The following PCGF6 variants were observed in gnomAD, a reference collection of about 807,000 sequenced individuals.
PCGF6 encodes the protein polycomb group RING finger protein 6.
Under a neutral mutation model 45.5 loss-of-function variants are expected in PCGF6, and 24 were observed. That is an observed-to-expected ratio of 0.53 (90% CI 0.38 to 0.74). The LOEUF (loss-of-function observed/expected upper bound fraction) is 0.74. Among genes scored for constraint, PCGF6 ranks in the 30% least tolerant of loss-of-function variants. The probability of loss-of-function intolerance (pLI) is 0.00; values close to 1 mark genes in which losing one functional copy is unlikely to be tolerated. For missense variants in PCGF6, 356 were observed against 443.2 expected (o/e 0.80, Z 1.77); for synonymous variants, 152 against 162.1 (o/e 0.94, Z 0.47).
chr10:103,331,918 G>A (rs909811467), intron 7 of PCGF6, among the ~76,000 whole-genome samples: 2 of 152,004 alleles, frequency 1.3e-5, no homozygotes, highest in Non-Finnish European at 2.9e-5. Context: ...TCAGCCTCCC[G>A]GGTAGCTGGG....
chr10:103,325,984 C>T (rs1415815806), intron 8 of PCGF6, among the ~76,000 whole-genome samples: 31 of 152,026 alleles, frequency 2.0e-4, no homozygotes, highest in Admixed American at 2.0e-3. Context: ...GAGCCATGAT[C>T]GTGTCAATGT....
intron 9 of PCGF6, among the ~76,000 whole-genome samples, chr10:103,313,677 G>A (rs116092894): frequency 0.011 from 1,612 of 152,152 alleles, 35 homozygotes; most frequent in African/African-American, 0.037. Context: ...GGCCCCATTC[G>A]CAGCTATCCT....
At chr10:103,329,842 G>A (rs548747460) in intron 7 of PCGF6, among the ~76,000 whole-genome samples, 7 of 151,054 alleles carry the variant, frequency 4.6e-5, no homozygotes, top group South Asian at 2.1e-4. Context: ...GCAGTGGCAC[G>A]ATCTTGGCTC....
At position 103,348,972 on chromosome 10, in the gene PCGF6, G is replaced by C; in HGVS notation, c.388C>G (p.Pro130Ala). 2 of 1,613,828 alleles carry C rather than the reference G, an allele frequency of 1.2e-6. No homozygotes were observed. Among genetic ancestry groups the C allele is most frequent in the East Asian group, 4.5e-5 (2 of 44,886 alleles). The change falls in exon 2 of 10, where the codon CCA becomes GCA. Residue 130 changes from proline (P) to alanine (A), a missense_variant. Physicochemically the swap from Pro to Ala is conservative, Grantham distance 27. Transcript: ENST00000369847. ...TTGCAAATGGAACACAAGATGTATG[G>C]GGTCAGCTCAGAGAGATTAATCAGG... ...ERLINLSELT[P>A]YILCSICKGY... is the part of the protein sequence containing the mutation.
At chr10:103,316,013 T>TAGAGAGAGAG (rs5787488) in intron 8 of PCGF6, among the ~76,000 whole-genome samples, 132 of 119,524 alleles carry the variant, frequency 1.1e-3, no homozygotes, top group African/African-American at 3.8e-3. Context: ...TATATATATA[T>TAGAGAGAGAG]AGAGAGAGAG....
chr10:103,348,138 T>C (rs2093306442), intron 3 of PCGF6, among the ~76,000 whole-genome samples: 1 of 152,170 alleles, frequency 6.6e-6, no homozygotes, highest in African/African-American at 2.4e-5. Flanking sequence ...TTGGAATACC[T>C]ATATACTGGA....
intron 6 of PCGF6, among the ~76,000 whole-genome samples, chr10:103,339,810 A>AAAACAC (rs1554865094): frequency 5.9e-4 from 19 of 32,222 alleles, no homozygotes; most frequent in Non-Finnish European, 9.1e-4. Context: ...TCAAAAAAAA[A>AAAACAC]ACACACACAC....
At chr10:103,320,858 C>G (rs1323921060) in intron 8 of PCGF6, among the ~76,000 whole-genome samples, 3 of 151,446 alleles carry the variant, frequency 2.0e-5, no homozygotes, top group Non-Finnish European at 3.0e-5. Flanking sequence ...CACACATTTC[C>G]CACCTGGGAC....
intron 8 of PCGF6, among the ~76,000 whole-genome samples, chr10:103,322,680 C>T (rs983253691): frequency 5.9e-5 from 9 of 151,622 alleles, no homozygotes; most frequent in African/African-American, 1.7e-4. Context: ...ACAATTTAGC[C>T]GGGCATGGTG....
chr10:103,327,200 G>T (rs910503045), intron 7 of PCGF6, among the ~76,000 whole-genome samples: 6 of 152,044 alleles, frequency 3.9e-5, no homozygotes, highest in African/African-American at 1.4e-4. Flanking sequence ...CAGGAGAATC[G>T]CTTGAACCTG....
chr10:103,314,252 A>G lies in PCGF6; in HGVS notation c.930T>C (p.Asp310=). 6.3e-7 allele frequency: 1 copy of G among 1,595,944 alleles called. No individual in the cohort carries two copies. ...PACQVDIICG[D]HLLEQYQTLR... is the part of the protein sequence containing the mutation. Reference sequence around the variant, plus strand: ...GAGTTTGATACTGCTCCAACAGGTGATCACCACAGATTATATCTACCTATG... The same window carrying G: ...GAGTTTGATACTGCTCCAACAGGTGGTCACCACAGATTATATCTACCTATG... The change falls in exon 9 of 10, where the codon GAT becomes GAC. Residue 310 remains aspartate (D), a synonymous_variant. Coordinates refer to ENST00000369847, the MANE Select transcript of PCGF6 (RefSeq NM_001011663.2).
At chr10:103,348,852 C>A in intron 2 of PCGF6, 40 bp from the exon 3 acceptor site, 1 of 1,604,046 alleles carries the variant, frequency 6.2e-7, no homozygotes, top group Non-Finnish European at 8.5e-7. Context: ...GCTTTCAAGA[C>A]ATTTCAAAAA....
chr10:103,328,107 T>C (rs1053500459), intron 7 of PCGF6, among the ~76,000 whole-genome samples: 1 of 152,148 alleles, frequency 6.6e-6, no homozygotes, highest in Non-Finnish European at 1.5e-5. Context: ...AACTAATGCT[T>C]ACCCAGCTCC....
Position 103,333,963 on chromosome 10 carries a change from A to C in PCGF6, c.783-11T>G. On this transcript the variant is annotated splice_polypyrimidine_tract_variant and intron_variant, in intron 6 of 9. Coordinates refer to ENST00000369847, the MANE Select transcript of PCGF6 (RefSeq NM_001011663.2). ...GTGCCTTCATTAGCACTGAAAAATG[A>C]GAGCAAAATTAATCAATATTTAATA... The C allele has an allele frequency of 6.6e-7, 1 of 1,523,004 alleles. No individual in the cohort carries two copies. The allele number at this position is 1,523,004 out of a possible 1,614,324, so 94.3% of individuals were successfully genotyped here. A position where few individuals can be genotyped will look rare whatever the true frequency, so the allele number is the denominator to read the frequency against.
At chr10:103,326,670 A>T (rs770644881) in intron 7 of PCGF6, 38 bp from the exon 8 acceptor site, 15 of 1,486,156 alleles carry the variant, frequency 1.0e-5, no homozygotes, top group Non-Finnish European at 1.4e-5. Context: ...TTTAGGTTAA[A>T]TATACCTGTA....
chr10:103,326,942 C>A (rs2093221060), intron 7 of PCGF6, among the ~76,000 whole-genome samples: 3 of 152,084 alleles, frequency 2.0e-5, no homozygotes, highest in African/African-American at 7.2e-5. Flanking sequence ...ATTTCAAGTA[C>A]TGAACTTACA....
At position 103,303,802 on chromosome 10, in the gene PCGF6, T is replaced by C. The variant is rs967385497; in HGVS notation, c.*103A>G. 4.2e-5 allele frequency: 44 copies of C among 1,044,042 alleles called. No homozygotes were observed. Among genetic ancestry groups the C allele is most frequent in the Non-Finnish European group, 6.3e-5 (43 of 686,650 alleles). The allele number at this position is 1,044,042 out of a possible 1,614,324, so 64.7% of individuals were successfully genotyped here. On this transcript the variant is annotated 3_prime_UTR_variant, in exon 10 of 10. Transcript: ENST00000369847. ...TGCTAAAAATAGGTAAGTTATGTCT[T>C]GAACAGCAAAGTGGTAGCAATTACA... is the stretch of plus-strand genomic sequence containing the variant.
chr10:103,323,766 G>A (rs1440459939), intron 8 of PCGF6, among the ~76,000 whole-genome samples: 2 of 142,704 alleles, frequency 1.4e-5, no homozygotes, highest in Non-Finnish European at 3.0e-5. Context: ...CTAATTTTTG[G>A]TAGAGACGGG....
In PCGF6 at chr10:103,350,960, G is replaced by A. The variant is rs1351323818; in HGVS notation, c.107C>T (p.Pro36Leu). The change falls in exon 1 of 10, where the codon CCT becomes CTT. Residue 36 changes from proline (P) to leucine (L), a missense_variant. By Grantham distance (98) the Pro-to-Leu change is moderately conservative (BLOSUM62 -3). This residue lies in a region of PCGF6 where 307 missense variants were observed against 350.1 expected (regional missense o/e 0.88). Coordinates refer to ENST00000369847, the MANE Select transcript of PCGF6 (RefSeq NM_001011663.2). ...TCCCTCCTCACCCGCTGCGGGTGCA[G>A]GGGTGAGGGCGGGCGGGGAGACAGG... ...PPPVSPPALT[P>L]APAAGEEGPA... 2.0e-6 allele frequency: 3 copies of A among 1,465,560 alleles called. No individual in the cohort carries two copies. Among genetic ancestry groups the A allele is most frequent in the Admixed American group, 2.7e-5 (1 of 37,616 alleles). 90.8% of individuals were successfully genotyped at this position (1,465,560 alleles called of 1,614,324 possible).
Sources: allele counts gnomAD v4.1 joint callset (sites outside exome capture counted in the v4.1 genomes callset), GRCh38; gene constraint gnomAD v4.1.1; regional missense constraint gnomAD v4.1.1; transcripts MANE v1.5; gene names NCBI Gene and HGNC (gene_info 2026-07-23, HGNC 2026-07-21).